KAT14: variants seen among roughly 807,000 people sequenced by gnomAD.
The protein encoded by KAT14 is lysine acetyltransferase 14.
Under a neutral mutation model 78.4 loss-of-function variants are expected in KAT14, and 66 were observed. That is an observed-to-expected ratio of 0.84 (90% CI 0.69 to 1.03). The LOEUF (loss-of-function observed/expected upper bound fraction) is 1.03. Ranked by LOEUF, KAT14 falls within the 50% of genes least tolerant of loss-of-function variation. The pLI is 0.00. For missense variants in KAT14, 870 were observed against 972.5 expected (o/e 0.89, Z 1.40); for synonymous variants, 344 against 359.4 (o/e 0.96, Z 0.48).
Position 18,162,686 on chromosome 20 carries a change from T to A in KAT14, c.1409T>A (p.Leu470Gln), listed in dbSNP as rs2038489003. The A allele has an allele frequency of 6.2e-7, 1 of 1,614,218 alleles. No homozygotes were observed. The highest frequency in any genetic ancestry group is 8.5e-7 in the Non-Finnish European group (1 of 1,180,040). The change falls in exon 7 of 11, where the codon CTG (leucine) becomes CAG (glutamine). Residue 470 changes from leucine (L) to glutamine (Q), a missense_variant. By Grantham distance (113) the Leu-to-Gln change is moderately radical (BLOSUM62 -2). Transcript: ENST00000688188. ...GTGAGCATCTACGAGGAAAAGCTGC[T>A]GCTCAAGAGGCTGGAAGCTTGTCCC... ...TPVSIYEEKL[L>Q]LKRLEACPGA...
intron 2 of KAT14, among the ~76,000 whole-genome samples, chr20:18,144,846 A>G (rs2037762848): frequency 6.6e-6 from 1 of 152,208 alleles, no homozygotes; most frequent in Non-Finnish European, 1.5e-5. Context: ...ATCAGGCACC[A>G]TTATCTGTCT....
chr20:18,139,676 T>TGTGTGTGTGTG (rs1568660990), intron 1 of KAT14, among the ~76,000 whole-genome samples: 1 of 77,652 alleles, frequency 1.3e-5, no homozygotes, highest in African/African-American at 3.4e-5. Context: ...GTGTGTGTGT[T>TGTGTGTGTGTG]TATTTTTTTT....
chr20:18,138,264 G>A (rs889060668), intron 1 of KAT14: 1 of 1,229,986 alleles, frequency 8.1e-7, no homozygotes, highest in Non-Finnish European at 1.0e-6. Context: ...GCAGCCCGCA[G>A]ATTCAGGACG....
At position 18,162,258 on chromosome 20, in the gene KAT14, T is replaced by A; in HGVS notation, c.1099+19T>A. The A allele has an allele frequency of 6.2e-7, 1 of 1,613,408 alleles. No individual in the cohort carries two copies. Among genetic ancestry groups the A allele is most frequent in the Non-Finnish European group, 8.5e-7 (1 of 1,179,532 alleles). ...TTTCATGGTAAGAGTTTGTTTGCTTTGCTCTTTTATTTTGGGTATGGGCCA... is the reference window on the plus strand; with the variant it reads ...TTTCATGGTAAGAGTTTGTTTGCTTAGCTCTTTTATTTTGGGTATGGGCCA... On this transcript the variant is annotated intron_variant, in intron 6 of 10. Transcript: ENST00000688188.
At chr20:18,155,854 T>C (rs1311453739) in intron 4 of KAT14, among the ~76,000 whole-genome samples, 6 of 152,176 alleles carry the variant, frequency 3.9e-5, no homozygotes, top group Non-Finnish European at 5.9e-5. Flanking sequence ...GTTAAAAATA[T>C]AATGATCATA....
chr20:18,185,462 G>A (rs943757758), intron 10 of KAT14, among the ~76,000 whole-genome samples: 2 of 152,068 alleles, frequency 1.3e-5, no homozygotes, highest in Non-Finnish European at 1.5e-5. Context: ...TCAGCCTCCC[G>A]AGTGCTGGGA....
At chr20:18,141,882 G>A (rs1268335571) in intron 1 of KAT14, among the ~76,000 whole-genome samples, 1 of 151,904 alleles carries the variant, frequency 6.6e-6, no homozygotes, top group Non-Finnish European at 1.5e-5. Context: ...CGAGACTCTT[G>A]TCTCAAAAAA....
intron 9 of KAT14, chr20:18,183,532 C>T: frequency 1.0e-6 from 1 of 985,018 alleles, no homozygotes; most frequent in African/African-American, 1.7e-5. Context: ...TCTCTGTTTC[C>T]AGAGTAAAAG....
chr20:18,187,542 A>T lies in KAT14; in HGVS notation c.*83A>T. On this transcript the variant is annotated 3_prime_UTR_variant, in exon 11 of 11. Coordinates refer to ENST00000688188, the MANE Select transcript of KAT14 (RefSeq NM_001392073.1). Reference sequence around the variant, plus strand: ...ATCTAAAGGCAGTGATTGATTTCACAGGGAGCTCTAATCTCTGTGATTACA... The same window carrying T: ...ATCTAAAGGCAGTGATTGATTTCACTGGGAGCTCTAATCTCTGTGATTACA... The T allele has an allele frequency of 1.3e-6, 2 of 1,586,748 alleles. No individual in the cohort carries two copies. Among genetic ancestry groups the T allele is most frequent in the East Asian group, 2.3e-5 (1 of 44,098 alleles).
Position 18,173,779 on chromosome 20 carries a change from C to T in KAT14, c.1669-7931C>T, listed in dbSNP as rs977179749. ...ATAATTACTCATTCCTGCTTCCAGGCTCCTCCATTACCTTGGAGGCTATTT... is the reference window on the plus strand; with the variant it reads ...ATAATTACTCATTCCTGCTTCCAGGTTCCTCCATTACCTTGGAGGCTATTT... On this transcript the variant is annotated intron_variant, in intron 7 of 10. Transcript: ENST00000688188. Among the ~76,000 whole-genome samples, 19 of 152,164 alleles carry T rather than the reference C, an allele frequency of 1.2e-4. 1 individual carries two copies.
intron 7 of KAT14, among the ~76,000 whole-genome samples, chr20:18,179,525 G>T (rs746963158): frequency 2.0e-4 from 31 of 152,168 alleles, no homozygotes; most frequent in Non-Finnish European, 3.1e-4. Context: ...CAAGGTTTGG[G>T]GCTTGCACCC....
At chr20:18,165,813 G>C (rs2038618388) in intron 7 of KAT14, among the ~76,000 whole-genome samples, 1 of 152,146 alleles carries the variant, frequency 6.6e-6, no homozygotes, top group African/African-American at 2.4e-5. Flanking sequence ...GGGATCCTCT[G>C]TATTTCCTGC....
chr20:18,162,385 G>A lies in KAT14; in HGVS notation c.1108G>A (p.Glu370Lys), dbSNP rs777600380. 2 of 1,611,832 alleles carry A rather than the reference G, an allele frequency of 1.2e-6. No homozygotes were observed. The highest frequency in any genetic ancestry group is 1.7e-6 in the Non-Finnish European group (2 of 1,179,062). The change falls in exon 7 of 11, where the codon GAG (glutamate) becomes AAG (lysine). Residue 370 changes from glutamate to lysine, a missense_variant. By Grantham distance (56) the Glu-to-Lys change is moderately conservative. Transcript: ENST00000688188. ...PPQALFHDDDEMEGDGVIDPG... is the reference protein window; with the variant it reads ...PPQALFHDDDKMEGDGVIDPG... ...TTTTGTACTCTGCACAGATGACGAT[G>A]AGATGGAAGGCGATGGAGTCATAGA...
intron 1 of KAT14, among the ~76,000 whole-genome samples, chr20:18,140,818 C>CAAAAAAAAAAAAAAA (rs1157203058): frequency 3.8e-5 from 3 of 79,068 alleles, no homozygotes; most frequent in African/African-American, 5.1e-5. Flanking sequence ...GACTCCTTCT[C>CAAAAAAAAAAAAAAA]AAAAAAAAAA....
chr20:18,141,051 T>TTTTTTTTTTTTTTG lies in KAT14; in HGVS notation c.-453-1156_-453-1155insTTTTTTTTTTTTGT, dbSNP rs58888387. On this transcript the variant is annotated intron_variant, in intron 1 of 10. Coordinates refer to ENST00000688188, the MANE Select transcript of KAT14 (RefSeq NM_001392073.1). ...TTTTTTTTTTTTTTTTTTTTTATTT[T>TTTTTTTTTTTTTTG]TATTTTTGCTAGAGATGGGATTTTG... Among the ~76,000 whole-genome samples the TTTTTTTTTTTTTTG allele has an allele frequency of 1.8e-3, 192 of 109,680 alleles. 5 individuals carry two copies. Among genetic ancestry groups the TTTTTTTTTTTTTTG allele is most frequent in the African/African-American group, 3.0e-3 (84 of 27,902 alleles). 72.0% of individuals were successfully genotyped at this position (109,680 alleles called of 152,430 possible). A position where few individuals can be genotyped will look rare whatever the true frequency, so the allele number is the denominator to read the frequency against.
In KAT14 at chr20:18,187,839, T is replaced by G. The variant is rs1329318126; in HGVS notation, c.*380T>G. 1 of 253,634 alleles carries G rather than the reference T, an allele frequency of 3.9e-6. No individual in the cohort carries two copies. Among genetic ancestry groups the G allele is most frequent in the African/African-American group, 2.3e-5 (1 of 42,604 alleles). The allele number at this position is 253,634 out of a possible 1,614,324, so 15.7% of individuals were successfully genotyped here. A position where few individuals can be genotyped will look rare whatever the true frequency, so the allele number is the denominator to read the frequency against. On this transcript the variant is annotated 3_prime_UTR_variant, in exon 11 of 11. Transcript: ENST00000688188. Reference sequence around the variant, plus strand: ...GAAAATGTGGTGTAGCTATTAAAGATTCATGCAGTCCCAAAAGGCACTGTC... The same window carrying G: ...GAAAATGTGGTGTAGCTATTAAAGAGTCATGCAGTCCCAAAAGGCACTGTC...
In KAT14 at chr20:18,161,877, C is replaced by G. The variant is rs2038437051; in HGVS notation, c.737C>G (p.Ala246Gly). The G allele has an allele frequency of 6.2e-7, 1 of 1,614,054 alleles. No homozygotes were observed. Residue 246 changes from alanine to glycine, a missense_variant, in exon 6 of 11, where the codon GCA becomes GGA. Ala to Gly is a moderately conservative substitution (Grantham distance 60, BLOSUM62 0). Transcript: ENST00000688188. ...IITVEGLRKR[A>G]SRNPVESAME... ...ACTGTTGAGGGACTTAGAAAACGAGCAAGTCGGAATCCTGTGGAATCTGCC... is the reference window on the plus strand; with the variant it reads ...ACTGTTGAGGGACTTAGAAAACGAGGAAGTCGGAATCCTGTGGAATCTGCC...
At chr20:18,172,402 T>G (rs1323286961) in intron 7 of KAT14, among the ~76,000 whole-genome samples, 1 of 138,794 alleles carries the variant, frequency 7.2e-6, no homozygotes. Context: ...GCCTGGCCAC[T>G]TTTTTTTTTT....
chr20:18,185,601 C>T (rs1310646735), intron 10 of KAT14, among the ~76,000 whole-genome samples: 1 of 152,118 alleles, frequency 6.6e-6, no homozygotes, highest in Non-Finnish European at 1.5e-5. Context: ...TATAATTCAT[C>T]CTTTAATATA....
Sources: allele counts gnomAD v4.1 joint callset (sites outside exome capture counted in the v4.1 genomes callset), GRCh38; gene constraint gnomAD v4.1.1; transcripts MANE v1.5; gene names NCBI Gene and HGNC (gene_info 2026-07-23, HGNC 2026-07-21).